The following DLGAP2 variants were observed in gnomAD, a reference collection of about 807,000 sequenced individuals.
DLGAP2 encodes the protein DLG associated protein 2.
In DLGAP2, 26 loss-of-function variants were observed where a neutral mutation model predicts 100.3. The ratio of observed to expected loss-of-function variants is 0.26; its 90% CI spans 0.19 to 0.36. The LOEUF is 0.36. Ranked by LOEUF, DLGAP2 falls within the 10% of genes least tolerant of loss-of-function variation. The pLI, the probability that DLGAP2 is intolerant of heterozygous loss-of-function variation, is 1.00. For synonymous variants in DLGAP2, 886 were observed against 630.1 expected, an observed-to-expected ratio of 1.41 and a Z score of -6.08; for missense variants, 1,858 against 1,453.2, an observed-to-expected ratio of 1.28 and a Z score of -4.53.
At chr8:1,041,290 G>A (rs34282191) in intron 2 of DLGAP2, among the ~76,000 whole-genome samples, 44,251 of 151,982 alleles carry the variant, frequency 0.29, 7,129 homozygotes, top group Middle Eastern at 0.38. Context: ...AGTTAGCTTG[G>A]AGGTGCGTGG....
intron 1 of DLGAP2, among the ~76,000 whole-genome samples, chr8:771,489 C>T (rs991171473): frequency 2.0e-4 from 30 of 152,202 alleles, no homozygotes; most frequent in African/African-American, 5.1e-4. Flanking sequence ...TAAGGCAGGC[C>T]GGCTAGCTCT....
chr8:1,199,119 C>T (rs1384330642), intron 2 of DLGAP2, among the ~76,000 whole-genome samples: 2 of 152,242 alleles, frequency 1.3e-5, no homozygotes, highest in African/African-American at 2.4e-5. Flanking sequence ...TACTTAAACA[C>T]ACATACACAC....
rs1464804322 is a variant in DLGAP2, at chr8:754,441, T to C, written c.18+16616T>C. On this transcript the variant is annotated intron_variant, in intron 1 of 14. Coordinates refer to ENST00000637795, the MANE Select transcript of DLGAP2 (RefSeq NM_001346810.2). Reference sequence around the variant, plus strand: ...ACCTGCCTTCCTCTGTGCCCATGCCTTTCCTGAAAGGTTCAGTGAGCTTTG... The same window carrying C: ...ACCTGCCTTCCTCTGTGCCCATGCCCTTCCTGAAAGGTTCAGTGAGCTTTG... Among the ~76,000 whole-genome samples, 4 of 152,240 alleles carry C rather than the reference T, an allele frequency of 2.6e-5. No homozygotes were observed. The East Asian group carries it at 7.7e-4, about 29-fold the overall frequency.
intron 2 of DLGAP2, among the ~76,000 whole-genome samples, chr8:1,073,491 G>A (rs567199070): frequency 1.3e-5 from 2 of 152,254 alleles, no homozygotes; most frequent in East Asian, 3.9e-4. Context: ...TTGCTCCTGA[G>A]CTCAGAATTT....
intron 3 of DLGAP2, among the ~76,000 whole-genome samples, chr8:1,456,002 C>A (rs2130131166): frequency 6.6e-6 from 1 of 152,330 alleles, no homozygotes; most frequent in African/African-American, 2.4e-5. Flanking sequence ...ACCTGATGCC[C>A]CATGATGCAC....
chr8:1,574,144 G>A (rs1802868359), intron 6 of DLGAP2, among the ~76,000 whole-genome samples: 1 of 152,102 alleles, frequency 6.6e-6, no homozygotes, highest in Admixed American at 6.5e-5. Flanking sequence ...TTACGGGAGA[G>A]GGAAATAATA....
intron 1 of DLGAP2, among the ~76,000 whole-genome samples, chr8:895,671 C>T (rs1185363159): frequency 6.6e-6 from 1 of 152,136 alleles, no homozygotes; most frequent in Non-Finnish European, 1.5e-5. Context: ...TTATGAGAGC[C>T]CTTTCGGTGG....
intron 5 of DLGAP2, among the ~76,000 whole-genome samples, chr8:1,563,032 G>A (rs1802236811): frequency 1.8e-5 from 1 of 54,668 alleles, no homozygotes; most frequent in Admixed American, 2.2e-4. Context: ...GTGGTTTTGG[G>A]GTGTCCGCGC....
At position 1,691,549 on chromosome 8, in the gene DLGAP2, A is replaced by C. The variant is rs1799260667; in HGVS notation, c.2719A>C (p.Arg907=). The change falls in exon 13 of 15, where the codon AGG becomes CGG. Residue 907 remains arginine (R), a synonymous_variant. Transcript: ENST00000637795. ...DLSEEILGKI[R]SAVGSAQLLM... ...GTTTTAAACAGTTCTCGGTAAAATCAGGAGTGCTGTTGGGAGTGCCCAGCT... is the reference window on the plus strand; with the variant it reads ...GTTTTAAACAGTTCTCGGTAAAATCCGGAGTGCTGTTGGGAGTGCCCAGCT... 1 of 1,613,734 alleles carries C rather than the reference A, an allele frequency of 6.2e-7. No individual in the cohort carries two copies. Among genetic ancestry groups the C allele is most frequent in the African/African-American group, 1.3e-5 (1 of 74,910 alleles).
At chr8:1,377,433 A>G (rs1373917281) in intron 3 of DLGAP2, among the ~76,000 whole-genome samples, 1 of 152,252 alleles carries the variant, frequency 6.6e-6, no homozygotes, top group South Asian at 2.1e-4. Flanking sequence ...AGTCGCAGCT[A>G]CTCTGGAGGC....
chr8:1,220,821 T>A (rs1798301053), intron 2 of DLGAP2, among the ~76,000 whole-genome samples: 1 of 152,224 alleles, frequency 6.6e-6, no homozygotes, highest in Non-Finnish European at 1.5e-5. Flanking sequence ...TTGTTAAGCC[T>A]TCTTGTTGAA....
At chr8:1,229,490 G>T (rs1281168988) in intron 2 of DLGAP2, among the ~76,000 whole-genome samples, 2 of 152,042 alleles carry the variant, frequency 1.3e-5, no homozygotes, top group Non-Finnish European at 2.9e-5. Flanking sequence ...ACTTCCTCTA[G>T]ATTTTCTAGT....
rs1251680279 is a variant in DLGAP2, at chr8:1,128,402, C to T, written c.74-130449C>T. Reference sequence around the variant, plus strand: ...TGAGGGCCTGCAGGGAACAGTGGTCCCATGGAATTATACAGCCCAGTCCTT... The same window carrying T: ...TGAGGGCCTGCAGGGAACAGTGGTCTCATGGAATTATACAGCCCAGTCCTT... On this transcript the variant is annotated intron_variant, in intron 2 of 14. Transcript: ENST00000637795. 2.6e-5 allele frequency among the ~76,000 whole-genome samples: 4 copies of T among 152,174 alleles called. No individual in the cohort carries two copies. In the East Asian group the frequency reaches 7.7e-4, roughly 29 times the overall value.
At chr8:1,474,039 C>G (rs1488585348) in intron 3 of DLGAP2, among the ~76,000 whole-genome samples, 5 of 152,040 alleles carry the variant, frequency 3.3e-5, no homozygotes, top group Non-Finnish European at 7.4e-5. Context: ...TATCCTTCAC[C>G]CCTTCCCCCC....
intron 3 of DLGAP2, among the ~76,000 whole-genome samples, chr8:1,476,658 A>C (rs550920349): frequency 1.1e-4 from 16 of 152,026 alleles, no homozygotes; most frequent in Non-Finnish European, 1.8e-4. Flanking sequence ...GTGATGGCTG[A>C]CTGCTGTTGG....
At chr8:1,234,135 C>G (rs1052375796) in intron 2 of DLGAP2, among the ~76,000 whole-genome samples, 1 of 152,200 alleles carries the variant, frequency 6.6e-6, no homozygotes, top group African/African-American at 2.4e-5. Flanking sequence ...AATTAAGTTT[C>G]AAAGGCTTCT....
At chr8:1,031,827 C>T (rs1801982327) in intron 2 of DLGAP2, among the ~76,000 whole-genome samples, 1 of 152,190 alleles carries the variant, frequency 6.6e-6, no homozygotes, top group Admixed American at 6.5e-5. Flanking sequence ...AAGATCTCTT[C>T]AGTGCATTAA....
At chr8:1,697,438 G>C (rs373231135) in intron 14 of DLGAP2, 139 bp downstream of exon 14, 10 of 1,234,698 alleles carry the variant, frequency 8.1e-6, no homozygotes, top group Non-Finnish European at 1.1e-5. Flanking sequence ...CTATGTATGT[G>C]TGCACATGTG....
chr8:758,389 G>T (rs1256541855), intron 1 of DLGAP2, among the ~76,000 whole-genome samples: 1 of 151,988 alleles, frequency 6.6e-6, no homozygotes, highest in Non-Finnish European at 1.5e-5. Flanking sequence ...ACTTAAAAAT[G>T]ATTTAATATT....
Sources: allele counts gnomAD v4.1 joint callset (sites outside exome capture counted in the v4.1 genomes callset), GRCh38; gene constraint gnomAD v4.1.1; transcripts MANE v1.5; gene names NCBI Gene and HGNC (gene_info 2026-07-23, HGNC 2026-07-21).